WRN: variants seen among roughly 807,000 people sequenced by gnomAD.
The protein encoded by WRN is WRN RecQ like helicase.
Under a neutral mutation model 180.7 loss-of-function variants are expected in WRN, and 149 were observed. That is an observed-to-expected ratio of 0.82 (90% confidence interval 0.72 to 0.94). The LOEUF (loss-of-function observed/expected upper bound fraction) is 0.94. WRN is among the 40% of genes least tolerant of loss of function. The probability of loss-of-function intolerance (pLI) is 0.00; values close to 1 mark genes in which losing one functional copy is unlikely to be tolerated. For synonymous variants in WRN, 548 were observed against 568.9 expected, an observed-to-expected ratio of 0.96 and a Z score of 0.52; for missense variants, 1,661 against 1,700.1, an observed-to-expected ratio of 0.98 and a Z score of 0.40.
intron 21 of WRN, among the ~76,000 whole-genome samples, chr8:31,122,885 T>C (rs796624209): frequency 1.6e-4 from 21 of 128,518 alleles, no homozygotes; most frequent in African/African-American, 5.4e-4. Context: ...TTTTTTTTTT[T>C]CTATAGGAGG....
intron 1 of WRN, among the ~76,000 whole-genome samples, chr8:31,044,862 A>G (rs1811800053): frequency 6.6e-6 from 1 of 152,176 alleles, no homozygotes; most frequent in Non-Finnish European, 1.5e-5. Flanking sequence ...TTTTGCTTTT[A>G]CAAAGGGATG....
intron 1 of WRN, among the ~76,000 whole-genome samples, chr8:31,035,422 G>A (rs1474435498): frequency 2.0e-5 from 3 of 152,116 alleles, no homozygotes; most frequent in Non-Finnish European, 2.9e-5. Flanking sequence ...GGAGAAGAAA[G>A]TACAAAGGCC....
intron 7 of WRN, among the ~76,000 whole-genome samples, chr8:31,070,662 C>T (rs1360796513): frequency 6.6e-6 from 1 of 151,596 alleles, no homozygotes; most frequent in Non-Finnish European, 1.5e-5. Context: ...GTAGTTGACA[C>T]ACCGAGAGGC....
chr8:31,146,250 A>G (rs985922685), intron 28 of WRN, among the ~76,000 whole-genome samples: 6 of 150,408 alleles, frequency 4.0e-5, no homozygotes, highest in African/African-American at 1.2e-4. Context: ...TCCTCCTCCA[A>G]TATAATTATA....
intron 9 of WRN, among the ~76,000 whole-genome samples, chr8:31,082,633 G>C (rs373923628): frequency 6.6e-5 from 10 of 151,022 alleles, no homozygotes; most frequent in Admixed American, 2.0e-4. Context: ...ATCTATCTCT[G>C]TCGCCCAAGC....
chr8:31,131,504 A>G (rs1317822057), intron 23 of WRN: 1 of 152,274 alleles, frequency 6.6e-6, no homozygotes, highest in East Asian at 1.9e-4. Flanking sequence ...GGAAGAGCAG[A>G]GTTCTGCAGT....
chr8:31,111,106 G>A (rs541211449), intron 18 of WRN, among the ~76,000 whole-genome samples: 1 of 151,916 alleles, frequency 6.6e-6, no homozygotes, highest in East Asian at 1.9e-4. Flanking sequence ...TGGGTCATTG[G>A]AGCTTTGCTT....
intron 27 of WRN, among the ~76,000 whole-genome samples, chr8:31,143,052 C>CACACACACACACAT (rs1272452345): frequency 0.018 from 1,208 of 65,422 alleles, 17 homozygotes; most frequent in African/African-American, 0.051. Context: ...CACACACACA[C>CACACACACACACAT]ACATTCTCTC....
chr8:31,151,600 C>T (rs1028131960), intron 31 of WRN, among the ~76,000 whole-genome samples: 1 of 152,152 alleles, frequency 6.6e-6, no homozygotes, highest in East Asian at 1.9e-4. Flanking sequence ...TAAGTTCCCT[C>T]TCTTTGGACA....
intron 8 of WRN, among the ~76,000 whole-genome samples, chr8:31,077,397 C>T (rs558396929): frequency 1.5e-5 from 2 of 132,214 alleles, no homozygotes; most frequent in East Asian, 4.6e-4. Context: ...CCCGCCACCC[C>T]ACCTGGCTAA....
chr8:31,138,264 G>A lies in WRN; in HGVS notation c.2968-3166G>A, dbSNP rs181794634. 3.3e-5 allele frequency among the ~76,000 whole-genome samples: 5 copies of A among 152,122 alleles called. No individual in the cohort carries two copies. The East Asian group carries it at 9.6e-4, about 29-fold the overall frequency. The stretch of plus-strand genomic sequence containing the variant: ...GACTAAGATAAATCAAAGAGCTCCA[G>A]CATTCCCTCCAGCTCTGAAATTCTA... On this transcript the variant is annotated intron_variant, in intron 24 of 34. Transcript: ENST00000298139.
intron 18 of WRN, among the ~76,000 whole-genome samples, chr8:31,107,096 A>C (rs1394070868): frequency 6.6e-6 from 1 of 152,232 alleles, no homozygotes; most frequent in African/African-American, 2.4e-5. Context: ...GTTTAGATTC[A>C]TACCTATAAC....
chr8:31,064,439 GTA>G lies in WRN; in HGVS notation c.355+7_355+8del. On this transcript the variant is annotated splice_donor_region_variant and intron_variant, in intron 4 of 34. Coordinates refer to ENST00000298139, the MANE Select transcript of WRN (RefSeq NM_000553.6). ...TCCACGTTTCTTCCATGTCAGGTTG[GTA>G]TCTCTACATTTCATTTTTATATGGC... The G allele has an allele frequency of 6.2e-7, 1 of 1,613,930 alleles. No homozygotes were observed. The highest frequency in any genetic ancestry group is 8.5e-7 in the Non-Finnish European group (1 of 1,179,952).
At position 31,112,737 on chromosome 8, in the gene WRN, C is replaced by T. The variant is rs147413068; in HGVS notation, c.2273+938C>T. Among the ~76,000 whole-genome samples the T allele has an allele frequency of 5.1e-3, 774 of 152,098 alleles. 8 individuals are homozygous for T. The highest frequency in any genetic ancestry group is 0.018 in the African/African-American group (735 of 41,514). On this transcript the variant is annotated intron_variant, in intron 19 of 34. Transcript: ENST00000298139. ...AAGTAGCTGAAATTACAGGTGTGCG[C>T]CACCATGCCAGGCTAATTTTTGTAT...
chr8:31,120,336 T>C lies in WRN; in HGVS notation c.2542T>C (p.Tyr848His), dbSNP rs567405400. The C allele has an allele frequency of 6.2e-7, 1 of 1,613,012 alleles. No individual in the cohort carries two copies. Among genetic ancestry groups the C allele is most frequent in the South Asian group, 1.1e-5 (1 of 91,044 alleles). ...HYGAPKDMES[Y>H]YQEIGRAGRD... ...CGGTGCTCCTAAGGACATGGAATCA[T>C]ATTATCAGGAGATTGGTAGAGCTGG... Residue 848 changes from tyrosine to histidine, a missense_variant, in exon 21 of 35, where the codon TAT (tyrosine) becomes CAT (histidine). By Grantham distance (83) the Tyr-to-His change is moderately conservative (BLOSUM62 2). Transcript: ENST00000298139.
chr8:31,146,289 A>G (rs1802853821), intron 28 of WRN, among the ~76,000 whole-genome samples: 2 of 149,808 alleles, frequency 1.3e-5, no homozygotes, highest in Non-Finnish European at 3.0e-5. Flanking sequence ...TTGTTTATAT[A>G]TATTTTTAAT....
At chr8:31,053,265 A>G (rs535234473) in intron 1 of WRN, among the ~76,000 whole-genome samples, 10 of 152,344 alleles carry the variant, frequency 6.6e-5, no homozygotes, top group Admixed American at 2.0e-4. Context: ...TGGGACAGGT[A>G]ATGACAGGAA....
chr8:31,126,132 T>C (rs966227676), intron 23 of WRN, among the ~76,000 whole-genome samples: 1 of 151,948 alleles, frequency 6.6e-6, no homozygotes, highest in Non-Finnish European at 1.5e-5. Context: ...ACAGAAGAAA[T>C]GAACAGGATT....
chr8:31,059,499 T>A (rs958175962), intron 3 of WRN, among the ~76,000 whole-genome samples: 29 of 152,304 alleles, frequency 1.9e-4, no homozygotes, highest in African/African-American at 7.0e-4. Context: ...AGTTTTTTTT[T>A]AACTTTTTTA....
Sources: gnomAD v4.1 joint callset for allele counts (sites outside exome capture counted in the v4.1 genomes callset) on GRCh38, gnomAD v4.1.1 for gene constraint, MANE v1.5 for transcripts, NCBI Gene and HGNC (gene_info 2026-07-23, HGNC 2026-07-21) for gene names.